TRPM3: variants seen among roughly 807,000 people sequenced by gnomAD.
TRPM3 encodes the protein long transient receptor potential channel 3.
Under a neutral mutation model 181.2 loss-of-function variants are expected in TRPM3, and 77 were observed. The observed-to-expected ratio is 0.42, with a 90% CI of 0.35 to 0.51. The LOEUF is 0.51. Ranked by LOEUF, TRPM3 falls within the 20% of genes least tolerant of loss-of-function variation. TRPM3 has a pLI of 0.01. For missense variants in TRPM3, 1,759 were observed against 2,196.7 expected (o/e 0.80, Z 3.98); for synonymous variants, 745 against 796.4 (o/e 0.94, Z 1.09).
chr9:70,948,520 T>C (rs1412786078), intron 1 of TRPM3, among the ~76,000 whole-genome samples: 2 of 152,300 alleles, frequency 1.3e-5, no homozygotes, highest in East Asian at 3.9e-4. Flanking sequence ...TGGCTTAAGG[T>C]GTATCTATAA....
At chr9:70,894,911 T>C (rs1165751060) in intron 1 of TRPM3, among the ~76,000 whole-genome samples, 1 of 152,134 alleles carries the variant, frequency 6.6e-6, no homozygotes, top group East Asian at 1.9e-4. Context: ...AGATTGTGAA[T>C]AGAAAATGGG....
chr9:71,151,373 C>A (rs1168555324), intron 1 of TRPM3, among the ~76,000 whole-genome samples: 4 of 151,984 alleles, frequency 2.6e-5, no homozygotes, highest in Non-Finnish European at 5.9e-5. Context: ...ATGTAAATAA[C>A]TTCAAAGGCT....
At chr9:70,839,295 T>C (rs981537978) in intron 5 of TRPM3, among the ~76,000 whole-genome samples, 4 of 152,046 alleles carry the variant, frequency 2.6e-5, no homozygotes, top group African/African-American at 7.2e-5. Context: ...CAAAGACAAA[T>C]GCTCTACACT....
chr9:71,153,283 C>T (rs544550778), intron 1 of TRPM3, among the ~76,000 whole-genome samples: 3 of 149,690 alleles, frequency 2.0e-5, no homozygotes, highest in Admixed American at 2.0e-4. Context: ...TTTTAAATGG[C>T]GCCATTAATT....
intron 1 of TRPM3, among the ~76,000 whole-genome samples, chr9:71,158,280 G>A (rs2076102258): frequency 6.6e-6 from 1 of 152,102 alleles, no homozygotes; most frequent in Admixed American, 6.6e-5. Flanking sequence ...GGAAGTAAAA[G>A]CTCAAAACTG....
At chr9:71,401,197 C>CAAAAAAAAAAAAAAAAA (rs59425467) in intron 1 of TRPM3, among the ~76,000 whole-genome samples, 2 of 105,820 alleles carry the variant, frequency 1.9e-5, no homozygotes, top group Non-Finnish European at 3.6e-5. Context: ...GACACCATCG[C>CAAAAAAAAAAAAAAAAA]AAAAAAAAAA....
chr9:70,669,425 C>T (rs192148449), intron 9 of TRPM3, among the ~76,000 whole-genome samples: 1 of 152,164 alleles, frequency 6.6e-6, no homozygotes, highest in Admixed American at 6.5e-5. Context: ...TGGTTATGAC[C>T]CTGAAACAAA....
At chr9:70,609,735 G>T (rs1454943329) in intron 19 of TRPM3, among the ~76,000 whole-genome samples, 2 of 152,146 alleles carry the variant, frequency 1.3e-5, no homozygotes, top group Admixed American at 6.5e-5. Flanking sequence ...CACCTCATCT[G>T]GTCATTTGAG....
intron 1 of TRPM3, among the ~76,000 whole-genome samples, chr9:71,215,293 G>A (rs2079796479): frequency 6.6e-6 from 1 of 152,286 alleles, no homozygotes; most frequent in Non-Finnish European, 1.5e-5. Flanking sequence ...AGTGTGCATT[G>A]CAAAACATGC....
At chr9:70,810,584 A>G (rs148637085) in intron 6 of TRPM3, among the ~76,000 whole-genome samples, 77 of 152,180 alleles carry the variant, frequency 5.1e-4, no homozygotes, top group African/African-American at 1.9e-3. Context: ...ATCAATGCTC[A>G]ACCTATATTT....
chr9:71,427,354 T>C (rs2093882639), intron 1 of TRPM3, among the ~76,000 whole-genome samples: 3 of 152,192 alleles, frequency 2.0e-5, no homozygotes, highest in South Asian at 2.1e-4. Flanking sequence ...ACTTCAGCTG[T>C]ATTTATTTAG....
intron 7 of TRPM3, among the ~76,000 whole-genome samples, chr9:70,781,970 C>T (rs1240138588): frequency 2.0e-5 from 3 of 151,818 alleles, no homozygotes; most frequent in African/African-American, 7.3e-5. Flanking sequence ...GAACAGTGTA[C>T]TTTTCCATGA....
At chr9:71,064,525 A>G (rs1168611496) in intron 1 of TRPM3, among the ~76,000 whole-genome samples, 1 of 152,002 alleles carries the variant, frequency 6.6e-6, no homozygotes, top group Non-Finnish European at 1.5e-5. Flanking sequence ...GTAGTTTTCA[A>G]ATTTTATACT....
At chr9:71,297,183 C>T (rs1258899769) in intron 1 of TRPM3, among the ~76,000 whole-genome samples, 1 of 151,648 alleles carries the variant, frequency 6.6e-6, no homozygotes, top group African/African-American at 2.4e-5. Flanking sequence ...TAGTAGAGAC[C>T]AGGTTTTCTT....
intron 18 of TRPM3, among the ~76,000 whole-genome samples, chr9:70,613,139 A>G (rs1174978330): frequency 6.6e-6 from 1 of 152,210 alleles, no homozygotes; most frequent in Non-Finnish European, 1.5e-5. Context: ...CACGGGTTTA[A>G]GTAAAGCATT....
At chr9:70,840,947 A>G (rs1460819034) in intron 5 of TRPM3, among the ~76,000 whole-genome samples, 2 of 152,196 alleles carry the variant, frequency 1.3e-5, no homozygotes, top group Non-Finnish European at 2.9e-5. Flanking sequence ...ATTGAAAAAT[A>G]ATAGTTTGAG....
intron 8 of TRPM3, 139 bp downstream of exon 8, chr9:70,761,462 C>T (rs1220709346): frequency 2.6e-6 from 3 of 1,137,506 alleles, no homozygotes; most frequent in Non-Finnish European, 2.6e-6. Context: ...GAGGAAGCTA[C>T]TGGAGCCAAT....
chr9:70,644,151 G>A (rs1172611661), intron 9 of TRPM3, among the ~76,000 whole-genome samples: 2 of 152,146 alleles, frequency 1.3e-5, no homozygotes, highest in African/African-American at 4.8e-5. Flanking sequence ...GGTAGCTAAG[G>A]TCAACCTCTT....
At position 70,531,261 on chromosome 9, in the gene TRPM3, C is replaced by T; in HGVS notation, c.*4692G>A. 6.6e-6 allele frequency: 1 copy of T among 152,126 alleles called. No homozygotes were observed. The highest frequency in any genetic ancestry group is 1.9e-4 in the East Asian group (1 of 5,198). 9.4% of individuals were successfully genotyped at this position (152,126 alleles called of 1,614,324 possible). A position where few individuals can be genotyped will look rare whatever the true frequency, so the allele number is the denominator to read the frequency against. On this transcript the variant is annotated 3_prime_UTR_variant, in exon 26 of 26. Transcript: ENST00000677713. ...ATGGCTATACAACCTGCAGTTAATA[C>T]TTTATTTCATATTATTTGTTCAGTG...
Sources: gnomAD v4.1 joint callset for allele counts (sites outside exome capture counted in the v4.1 genomes callset) on GRCh38, gnomAD v4.1.1 for gene constraint, MANE v1.5 for transcripts, NCBI Gene and HGNC (gene_info 2026-07-23, HGNC 2026-07-21) for gene names.